POU2F1: variants seen among roughly 807,000 people sequenced by gnomAD.
The protein encoded by POU2F1 is POU class 2 homeobox 1.
In POU2F1, 16 loss-of-function variants were observed where a neutral mutation model predicts 84.9. That is an observed-to-expected ratio of 0.19 (90% confidence interval 0.13 to 0.29). POU2F1 has a LOEUF of 0.29. Among genes scored for constraint, POU2F1 ranks in the 10% least tolerant of loss-of-function variants. The probability of loss-of-function intolerance (pLI) is 1.00; values close to 1 mark genes in which losing one functional copy is unlikely to be tolerated. For missense variants in POU2F1, 738 were observed against 942.6 expected (o/e 0.78, Z 2.84); for synonymous variants, 368 against 368.3 (o/e 1.00, Z 0.01).
chr1:167,392,608 C>T lies in POU2F1; in HGVS notation c.987+2847C>T, dbSNP rs181547986. ...TTCTGCATTTGACCCAACATATTGC[C>T]AGTGTTATGTTTTTCTCTCCCTCCG... On this transcript the variant is annotated intron_variant, in intron 9 of 15. Coordinates refer to ENST00000367866, the MANE Select transcript of POU2F1 (RefSeq NM_002697.4). 3.3e-5 allele frequency among the ~76,000 whole-genome samples: 5 copies of T among 152,250 alleles called. No individual in the cohort carries two copies. The East Asian group carries it at 9.6e-4, about 29-fold the overall frequency.
intron 5 of POU2F1, among the ~76,000 whole-genome samples, chr1:167,372,567 C>T (rs369525375): frequency 1.7e-3 from 264 of 152,292 alleles, no homozygotes; most frequent in African/African-American, 6.1e-3. Context: ...AATGGAGATA[C>T]TAATAATACC....
Position 167,371,991 on chromosome 1 carries a change from C to T in POU2F1, c.357C>T (p.Ala119=). 1 of 1,614,184 alleles carries T rather than the reference C, an allele frequency of 6.2e-7. No individual in the cohort carries two copies. The highest frequency in any genetic ancestry group is 8.5e-7 in the Non-Finnish European group (1 of 1,180,020). ...QPSQQPSVQA[A]IPQTQLMLAG... The stretch of plus-strand genomic sequence containing the variant: ...CCCAGCAGCCTTCAGTGCAGGCAGC[C>T]ATTCCCCAGACCCAGCTTATGCTAG... Residue 119 remains alanine, a synonymous_variant, in exon 5 of 16, where the codon GCC becomes GCT. Coordinates refer to ENST00000367866, the MANE Select transcript of POU2F1 (RefSeq NM_002697.4).
In POU2F1 at chr1:167,354,801, C is replaced by G. The variant is rs547165391; in HGVS notation, c.128-10666C>G. Among the ~76,000 whole-genome samples the G allele has an allele frequency of 3.9e-5, 6 of 152,118 alleles. No homozygotes were observed. In the South Asian group the frequency reaches 1.2e-3, roughly 32 times the overall value. ...TTCCAAGCAGATTGAACATCTTTTC[C>G]TGTGTTTATGGGCCATCTGTGTTTC... On this transcript the variant is annotated intron_variant, in intron 2 of 15. Transcript: ENST00000367866.
chr1:167,258,365 C>A (rs1018683391), intron 1 of POU2F1, among the ~76,000 whole-genome samples: 1 of 152,148 alleles, frequency 6.6e-6, no homozygotes, highest in South Asian at 2.1e-4. Flanking sequence ...ACACTGTATG[C>A]GATCCTTAGC....
intron 1 of POU2F1, among the ~76,000 whole-genome samples, chr1:167,266,409 T>C (rs1293268718): frequency 6.6e-6 from 1 of 152,192 alleles, no homozygotes; most frequent in Non-Finnish European, 1.5e-5. Context: ...AATTGGTGGT[T>C]TAAAAGTAGT....
intron 2 of POU2F1, among the ~76,000 whole-genome samples, chr1:167,340,425 T>G (rs1043382764): frequency 2.8e-5 from 4 of 142,116 alleles, no homozygotes; most frequent in African/African-American, 1.2e-4. Flanking sequence ...TCTTTTTTCT[T>G]TTTTTCTTTT....
intron 1 of POU2F1, among the ~76,000 whole-genome samples, chr1:167,299,079 C>G (rs1199311987): frequency 2.0e-5 from 3 of 148,508 alleles, no homozygotes; most frequent in Non-Finnish European, 4.4e-5. Context: ...AGGAGAATCA[C>G]TTGAACCTGG....
chr1:167,331,608 C>T (rs1657088756), intron 1 of POU2F1, among the ~76,000 whole-genome samples: 1 of 152,062 alleles, frequency 6.6e-6, no homozygotes, highest in East Asian at 1.9e-4. Flanking sequence ...ATGTATATTC[C>T]GTTTCTTACC....
chr1:167,347,626 A>T (rs889544390), intron 2 of POU2F1, among the ~76,000 whole-genome samples: 1 of 152,198 alleles, frequency 6.6e-6, no homozygotes, highest in African/African-American at 2.4e-5. Flanking sequence ...CAATCTATCC[A>T]GGTCCAAAAC....
chr1:167,308,756 T>C (rs1453501499), intron 1 of POU2F1, among the ~76,000 whole-genome samples: 1 of 152,122 alleles, frequency 6.6e-6, no homozygotes, highest in Non-Finnish European at 1.5e-5. Flanking sequence ...TGAACTCAAG[T>C]GATCCATCTG....
At chr1:167,411,686 A>T (rs939292918) in intron 13 of POU2F1, among the ~76,000 whole-genome samples, 1 of 152,020 alleles carries the variant, frequency 6.6e-6, no homozygotes, top group Admixed American at 6.6e-5. Context: ...AGCTTCTATG[A>T]TTCTTTTGTT....
Position 167,422,572 on chromosome 1 carries a change from G to T in POU2F1, c.*6762G>T, listed in dbSNP as rs1650710392. The T allele has an allele frequency of 6.6e-6, 1 of 152,188 alleles. No homozygotes were observed. The highest frequency in any genetic ancestry group is 1.5e-5 in the Non-Finnish European group (1 of 68,036). 9.4% of individuals were successfully genotyped at this position (152,188 alleles called of 1,614,324 possible). ...TGGGATTGAGGAGAGAATTATTCTT[G>T]GTGGGAACATGAATGAGAAATGATG... On this transcript the variant is annotated 3_prime_UTR_variant, in exon 16 of 16. Transcript: ENST00000367866.
chr1:167,258,995 GT>G (rs1651353468), intron 1 of POU2F1, among the ~76,000 whole-genome samples: 1 of 152,188 alleles, frequency 6.6e-6, no homozygotes, highest in Non-Finnish European at 1.5e-5. Flanking sequence ...GCTAACCCCT[GT>G]TTTTATTGCT....
At chr1:167,376,293 C>T (rs1480465401) in intron 7 of POU2F1, 138 bp downstream of exon 7, 12 of 1,111,990 alleles carry the variant, frequency 1.1e-5, no homozygotes, top group Middle Eastern at 3.0e-4. Context: ...TATAAACTTT[C>T]GTTTAAAAAA....
At chr1:167,267,365 T>A (rs1008792696) in intron 1 of POU2F1, among the ~76,000 whole-genome samples, 1 of 150,722 alleles carries the variant, frequency 6.6e-6, no homozygotes, top group African/African-American at 2.5e-5. Context: ...TCAGACTTGT[T>A]TGATTGTATT....
intron 1 of POU2F1, among the ~76,000 whole-genome samples, chr1:167,262,387 A>G (rs1012440009): frequency 6.6e-6 from 1 of 152,184 alleles, no homozygotes; most frequent in African/African-American, 2.4e-5. Flanking sequence ...GGCAAATTTT[A>G]TATTTGATTT....
In POU2F1 at chr1:167,247,839, G is replaced by C. The variant is rs570806413; in HGVS notation, c.61+26881G>C. 4.3e-4 allele frequency among the ~76,000 whole-genome samples: 65 copies of C among 152,276 alleles called. 1 individual carries two copies. Among genetic ancestry groups the C allele is most frequent in the African/African-American group, 1.4e-3 (60 of 41,554 alleles). On this transcript the variant is annotated intron_variant, in intron 1 of 15. Transcript: ENST00000367866. Reference sequence around the variant, plus strand: ...AGTACAAGTAGAATATTTATACCATGCAATCAAACTGTGCAGATTTTGAAT... The same window carrying C: ...AGTACAAGTAGAATATTTATACCATCCAATCAAACTGTGCAGATTTTGAAT...
At chr1:167,348,063 C>T (rs1658313620) in intron 2 of POU2F1, among the ~76,000 whole-genome samples, 1 of 152,102 alleles carries the variant, frequency 6.6e-6, no homozygotes, top group African/African-American at 2.4e-5. Context: ...TCATGCATAA[C>T]GTCAGGGATA....
chr1:167,346,117 G>A (rs1426267349), intron 2 of POU2F1, among the ~76,000 whole-genome samples: 1 of 152,086 alleles, frequency 6.6e-6, no homozygotes, highest in Non-Finnish European at 1.5e-5. Flanking sequence ...CAAGGCTGCA[G>A]TGAACCATGA....
Sources: allele counts gnomAD v4.1 joint callset (sites outside exome capture counted in the v4.1 genomes callset), GRCh38; gene constraint gnomAD v4.1.1; transcripts MANE v1.5; gene names NCBI Gene and HGNC (gene_info 2026-07-23, HGNC 2026-07-21).